The following DNPEP variants were observed in gnomAD, a reference collection of about 807,000 sequenced individuals.
DNPEP encodes aspartyl aminopeptidase.
A neutral mutation model predicts 59.1 loss-of-function variants in DNPEP; 46 were observed. The observed-to-expected ratio is 0.78, with a 90% CI of 0.61 to 0.99. The LOEUF (loss-of-function observed/expected upper bound fraction) is 0.99. Ranked by LOEUF, DNPEP falls within the 50% of genes least tolerant of loss-of-function variation. The probability of loss-of-function intolerance (pLI) is 0.00; values close to 1 mark genes in which losing one functional copy is unlikely to be tolerated. For synonymous variants in DNPEP, 229 were observed against 242.2 expected (o/e 0.95, Z 0.50); for missense variants, 617 against 649.9 (o/e 0.95, Z 0.55).
intron 9 of DNPEP, among the ~76,000 whole-genome samples, chr2:219,383,683 G>A (rs1953695154): frequency 6.6e-6 from 1 of 152,120 alleles, no homozygotes; most frequent in Non-Finnish European, 1.5e-5. Context: ...TGGCCTCAGG[G>A]AAAAGACTGA....
At position 219,374,242 on chromosome 2, in the gene DNPEP, C is replaced by G. The variant is rs751792787; in HGVS notation, c.*50G>C. 6 of 1,528,340 alleles carry G rather than the reference C, an allele frequency of 3.9e-6. No homozygotes were observed. The highest frequency in any genetic ancestry group is 5.4e-6 in the Non-Finnish European group (6 of 1,102,390). 94.7% of individuals were successfully genotyped at this position (1,528,340 alleles called of 1,614,324 possible). A position where few individuals can be genotyped will look rare whatever the true frequency, so the allele number is the denominator to read the frequency against. ...AATCCAGCTTCAGCTCAGCTGAGAA[C>G]TTCCCCTCTCAGGTGCAAAGGGATG... On this transcript the variant is annotated 3_prime_UTR_variant, in exon 15 of 15. Transcript: ENST00000273075.
chr2:219,381,378 GC>G lies in DNPEP; in HGVS notation c.1195del (p.Ala399ProfsTer2). The G allele has an allele frequency of 6.2e-7, 1 of 1,614,220 alleles. No individual in the cohort carries two copies. The highest frequency in any genetic ancestry group is 2.2e-5 in the East Asian group (1 of 44,892). On this transcript the variant is annotated frameshift_variant, in exon 13 of 15. Coordinates refer to ENST00000273075, the MANE Select transcript of DNPEP (RefSeq NM_012100.4). LOFTEE classifies it high-confidence loss of function. ...TTTGTTGGCCACCTCTCGGATCAGG[GC>G]CTCTGACACCGCGTTTGAAGCATAG... ...QRYASNAVSE[A>X]LIREVANKVK...
At chr2:219,397,181 G>A (rs561766859) in intron 1 of DNPEP, among the ~76,000 whole-genome samples, 3 of 152,224 alleles carry the variant, frequency 2.0e-5, no homozygotes, top group South Asian at 2.1e-4. Flanking sequence ...CGTATTTGCC[G>A]TGTTGTGCCA....
chr2:219,390,396 C>G (rs920696695), upstream of DNPEP, among the ~76,000 whole-genome samples: 2 of 151,878 alleles, frequency 1.3e-5, no homozygotes, highest in African/African-American at 2.4e-5. Flanking sequence ...ACAATAATCA[C>G]CTAGAAAATA....
At chr2:219,398,068 C>G (rs560508273) in intron 1 of DNPEP, among the ~76,000 whole-genome samples, 1 of 152,260 alleles carries the variant, frequency 6.6e-6, no homozygotes, top group South Asian at 2.1e-4. Flanking sequence ...TACCATCACA[C>G]CACAGACTTA....
chr2:219,385,735 T>C (rs774852618), intron 6 of DNPEP, 29 bp from the exon 7 acceptor site: 1 of 1,573,574 alleles, frequency 6.4e-7, no homozygotes, highest in East Asian at 2.3e-5. Flanking sequence ...TGTGGGGGGA[T>C]TGCGAGGAGG....
intron 1 of DNPEP, among the ~76,000 whole-genome samples, chr2:219,398,448 G>A (rs568972355): frequency 1.3e-5 from 2 of 152,306 alleles, no homozygotes; most frequent in African/African-American, 2.4e-5. Flanking sequence ...TCAGGGGTTC[G>A]AGGCCAGTCT....
chr2:219,384,244 A>G, intron 9 of DNPEP, 122 bp downstream of exon 9: 1 of 916,222 alleles, frequency 1.1e-6, no homozygotes, highest in Non-Finnish European at 1.7e-6. Context: ...GCACCAGCAG[A>G]CTGAGCGGGT....
chr2:219,386,522 C>G, intron 4 of DNPEP, 111 bp from the exon 5 acceptor site: 1 of 1,528,688 alleles, frequency 6.5e-7, no homozygotes, highest in Non-Finnish European at 8.9e-7. Flanking sequence ...ATGAAAGGCT[C>G]AAGGTGTGAA....
intron 5 of DNPEP, 64 bp downstream of exon 5, chr2:219,386,222 A>G (rs1953823854): frequency 3.1e-6 from 5 of 1,612,140 alleles, no homozygotes; most frequent in African/African-American, 1.3e-5. Flanking sequence ...CCCCACGGGT[A>G]CCCTGAGGAG....
chr2:219,393,416 A>AT (rs978992519), upstream of DNPEP, among the ~76,000 whole-genome samples: 15 of 152,100 alleles, frequency 9.9e-5, no homozygotes, highest in African/African-American at 3.6e-4. Context: ...AGTAGCTGTG[A>AT]TTACAAGCAT....
At chr2:219,387,679 C>T in intron 1 of DNPEP, 80 bp downstream of exon 1, 1 of 1,591,894 alleles carries the variant, frequency 6.3e-7, no homozygotes, top group East Asian at 2.3e-5. Context: ...CACTGCAGCA[C>T]CGCGCTAAGC....
rs768391901 is a variant in DNPEP at position 219,385,434 on chromosome 2, G to A, written c.764C>T (p.Thr255Ile). The A allele has an allele frequency of 9.9e-6, 16 of 1,608,990 alleles. No individual in the cohort carries two copies. The South Asian group carries it at 1.5e-4, about 15-fold the overall frequency. Residue 255 changes from threonine to isoleucine, a missense_variant, in exon 8 of 15, where the codon ACC becomes ATC. By Grantham distance (89) the Thr-to-Ile change is moderately conservative. Transcript: ENST00000273075. ...ACAGCCAGTCCTCACCGCAGGCTGG[G>A]TGTCTGCAAGGCAGAGCTCCATCTC... ...IVEMELCLAD[T>I]QPAVLGGAYD... is the part of the protein sequence containing the mutation.
In DNPEP at chr2:219,387,104, G is replaced by C; in HGVS notation, c.96C>G (p.Leu32=). The part of the protein sequence containing the change: ...EAVQTAAKEL[L]KFVNRSPSPF... ...GAGAGGGACTCCGGTTCACGAACTT[G>C]AGGAGTTCCTTAGCCGCAGTCTGCA... The change falls in exon 2 of 15, where the codon CTC becomes CTG. Residue 32 remains leucine, a synonymous_variant. Coordinates refer to ENST00000273075, the MANE Select transcript of DNPEP (RefSeq NM_012100.4). The C allele has an allele frequency of 6.3e-7, 1 of 1,588,076 alleles. No individual in the cohort carries two copies. The highest frequency in any genetic ancestry group is 8.6e-7 in the Non-Finnish European group (1 of 1,165,904).
At chr2:219,375,105 TG>T in intron 13 of DNPEP, 83 bp from the exon 14 acceptor site, 11 of 1,461,720 alleles carry the variant, frequency 7.5e-6, no homozygotes, top group Non-Finnish European at 1.0e-5. Context: ...AATTGCAGGG[TG>T]GGAAGGGGCC....
upstream of DNPEP, chr2:219,387,920 G>C: frequency 7.4e-7 from 1 of 1,360,460 alleles, no homozygotes. Context: ...TTCCCCGGCC[G>C]CGCCGCCCCG....
At chr2:219,375,172 C>T in intron 13 of DNPEP, 150 bp from the exon 14 acceptor site, 2 of 781,850 alleles carry the variant, frequency 2.6e-6, no homozygotes, top group Admixed American at 2.6e-5. Context: ...TGGCAGACCC[C>T]AAAGGACAAT....
intron 1 of DNPEP, chr2:219,399,393 G>A (rs763139587): frequency 6.6e-6 from 3 of 456,334 alleles, no homozygotes; most frequent in Non-Finnish European, 1.3e-5. Context: ...TTTAGGGTGC[G>A]AATCCCCCGG....
intron 13 of DNPEP, among the ~76,000 whole-genome samples, chr2:219,376,186 TAGTC>T (rs1306914201): frequency 4.6e-5 from 7 of 152,062 alleles, no homozygotes; most frequent in Non-Finnish European, 7.4e-5. Flanking sequence ...GATTCTAAGA[TAGTC>T]AGAAAGGGAA....
Sources: allele counts gnomAD v4.1 joint callset (sites outside exome capture counted in the v4.1 genomes callset), GRCh38; gene constraint gnomAD v4.1.1; transcripts MANE v1.5; gene names NCBI Gene and HGNC (gene_info 2026-07-23, HGNC 2026-07-21).